Variants in IFT140 observed in about 807,000 individuals in gnomAD.
IFT140 encodes intraflagellar transport 140, also known as intraflagellar transport protein 140 homolog.
Under a neutral mutation model 164.6 loss-of-function variants are expected in IFT140, and 133 were observed. That is an observed-to-expected ratio of 0.81 (90% CI 0.70 to 0.93). IFT140 has a LOEUF of 0.93. Among genes scored for constraint, IFT140 ranks in the 40% least tolerant of loss-of-function variants. The pLI is 0.00. For missense variants in IFT140, 2,045 were observed against 1,972.3 expected, an observed-to-expected ratio of 1.04 and a Z score of -0.70; for synonymous variants, 860 against 817.3, an observed-to-expected ratio of 1.05 and a Z score of -0.89.
chr16:1,554,499 C>G (rs531334938), intron 19 of IFT140, among the ~76,000 whole-genome samples: 1 of 152,298 alleles, frequency 6.6e-6, no homozygotes, highest in South Asian at 2.1e-4. Flanking sequence ...CAGAATTAAG[C>G]AGACACATAC....
intron 4 of IFT140, among the ~76,000 whole-genome samples, chr16:1,601,281 A>G (rs919598634): frequency 8.0e-5 from 12 of 150,932 alleles, no homozygotes; most frequent in Admixed American, 7.9e-4. Context: ...AAAAAAAAAG[A>G]GAGAGACTAG....
intron 4 of IFT140, among the ~76,000 whole-genome samples, chr16:1,597,851 G>A (rs910448874): frequency 4.6e-5 from 7 of 152,092 alleles, no homozygotes; most frequent in Non-Finnish European, 7.4e-5. Context: ...CAAACTCCTG[G>A]GCTCAAGTGA....
At chr16:1,589,449 A>C (rs1322109754) in intron 7 of IFT140, among the ~76,000 whole-genome samples, 156 bp downstream of exon 7, 1 of 152,192 alleles carries the variant, frequency 6.6e-6, no homozygotes, top group Non-Finnish European at 1.5e-5. Flanking sequence ...ATGTGGTATG[A>C]TAAATAATGA....
At position 1,510,972 on chromosome 16, in the gene IFT140, ACCT is replaced by A; in HGVS notation, c.4358_4360del (p.Glu1453del). 2 of 1,611,386 alleles carry A rather than the reference ACCT, an allele frequency of 1.2e-6. No individual in the cohort carries two copies. The highest frequency in any genetic ancestry group is 1.7e-6 in the Non-Finnish European group (2 of 1,179,132). ...GGGGTCGTCATCTGCCTCTTCCACC[ACCT>A]CCTCGTCCAGCTCCCTGGCGTCCTC... On this transcript the variant is annotated inframe_deletion, in exon 31 of 31. Coordinates refer to ENST00000426508, the MANE Select transcript of IFT140 (RefSeq NM_014714.4).
In IFT140 at chr16:1,588,035, A is replaced by G; in HGVS notation, c.811-11T>C. The stretch of plus-strand genomic sequence containing the variant: ...CCCGCTCAGCTTGACCTGTGTGAGG[A>G]AACAACCGAGCAGAGGCACCGTGCT... On this transcript the variant is annotated splice_polypyrimidine_tract_variant and intron_variant, in intron 7 of 30. Coordinates refer to ENST00000426508, the MANE Select transcript of IFT140 (RefSeq NM_014714.4). The G allele has an allele frequency of 6.2e-7, 1 of 1,612,674 alleles. No homozygotes were observed.
rs775156902 is a variant in IFT140, at chr16:1,566,190, C to G, written c.1872G>C (p.Thr624=). The G allele has an allele frequency of 6.2e-7, 1 of 1,613,712 alleles. No individual in the cohort carries two copies. ...FKTGQIDRRE[T]LSFNEQETNK... is the part of the protein sequence containing the mutation. ...TAGTCTCTTGCTCATTAAAGGACAG[C>G]GTCTCTCTCCGATCAATTTGTCCAG... is the stretch of plus-strand genomic sequence containing the variant. The change falls in exon 16 of 31, where the codon ACG becomes ACC. Residue 624 remains threonine, a synonymous_variant. Coordinates refer to ENST00000426508, the MANE Select transcript of IFT140 (RefSeq NM_014714.4).
intron 4 of IFT140, among the ~76,000 whole-genome samples, chr16:1,594,879 G>C (rs1339844830): frequency 6.6e-6 from 1 of 152,250 alleles, no homozygotes; most frequent in Non-Finnish European, 1.5e-5. Flanking sequence ...CCCACAGTAC[G>C]CTCTTCTTCC....
intron 13 of IFT140, among the ~76,000 whole-genome samples, chr16:1,576,338 T>C (rs2034274614): frequency 6.8e-6 from 1 of 146,142 alleles, no homozygotes; most frequent in African/African-American, 2.5e-5. Flanking sequence ...ATGATTGTAA[T>C]CCTAGCACTT....
At chr16:1,604,729 G>A (rs377558385) in intron 3 of IFT140, among the ~76,000 whole-genome samples, 5 of 152,266 alleles carry the variant, frequency 3.3e-5, no homozygotes, top group Middle Eastern at 3.4e-3. Flanking sequence ...CCTGGAGGAG[G>A]GAAGGGCGGT....
rs986900353 is a variant in IFT140, at chr16:1,524,849, A to G, written c.2932T>C (p.Tyr978His). 4 of 1,613,208 alleles carry G rather than the reference A, an allele frequency of 2.5e-6. No homozygotes were observed. The highest frequency in any genetic ancestry group is 3.4e-6 in the Non-Finnish European group (4 of 1,179,638). ...GAGAAGTGGTCCCGGGCCAGCTCGT[A>G]GTAGTGCAGCGCGGCGTCCATCTCG... Reference protein sequence around the residue: ...QGEMDAALHYYELARDHFSLV... With the variant: ...QGEMDAALHYHELARDHFSLV... Residue 978 changes from tyrosine (Y) to histidine (H), a missense_variant, in exon 23 of 31, where the codon TAC (tyrosine) becomes CAC (histidine). Tyr to His is a moderately conservative substitution (Grantham distance 83, BLOSUM62 2). Transcript: ENST00000426508.
intron 8 of IFT140, 101 bp from the exon 9 acceptor site, chr16:1,587,405 A>G: frequency 1.4e-6 from 1 of 736,080 alleles, no homozygotes. Context: ...AGTCAGGAAA[A>G]AGACATAGTT....
chr16:1,588,408 T>C (rs2141866343), intron 7 of IFT140, among the ~76,000 whole-genome samples: 2 of 151,990 alleles, frequency 1.3e-5, no homozygotes, highest in South Asian at 4.2e-4. Flanking sequence ...GCCTGTAGTC[T>C]CAGCTACTTG....
At chr16:1,568,568 T>G (rs1488215299) in intron 14 of IFT140, among the ~76,000 whole-genome samples, 1 of 152,118 alleles carries the variant, frequency 6.6e-6, no homozygotes, top group East Asian at 1.9e-4. Flanking sequence ...CCCTTCCTCT[T>G]GTTCAAGTAG....
intron 26 of IFT140, among the ~76,000 whole-genome samples, chr16:1,522,822 T>C (rs1432565313): frequency 6.6e-6 from 1 of 152,166 alleles, no homozygotes; most frequent in African/African-American, 2.4e-5. Flanking sequence ...TTTCCACCCT[T>C]AGTAGCCCAG....
chr16:1,555,041 C>T lies in IFT140; in HGVS notation c.2399+2894G>A, dbSNP rs567840263. On this transcript the variant is annotated intron_variant, in intron 19 of 30. Transcript: ENST00000426508. Reference sequence around the variant, plus strand: ...CACCATGCTGAGTCGCCCTTCTCAGCGCTCCATCAACGCACACCTGCTATC... The same window carrying T: ...CACCATGCTGAGTCGCCCTTCTCAGTGCTCCATCAACGCACACCTGCTATC... The T allele has an allele frequency of 8.1e-5, 130 of 1,599,596 alleles. No homozygotes were observed. The South Asian group carries it at 9.0e-4, about 11-fold the overall frequency.
In IFT140 at chr16:1,510,690, C is replaced by T. The variant is rs2040110310; in HGVS notation, c.*254G>A. 1.4e-5 allele frequency: 8 copies of T among 580,868 alleles called. No homozygotes were observed. The highest frequency in any genetic ancestry group is 2.5e-5 in the Non-Finnish European group (8 of 326,006). The allele number at this position is 580,868 out of a possible 1,614,324, so 36.0% of individuals were successfully genotyped here. ...GGAGAATACGATGGAAGGGTGAACC[C>T]GACTCCCTTCAAAGGAATGAATCCA... On this transcript the variant is annotated 3_prime_UTR_variant, in exon 31 of 31. Coordinates refer to ENST00000426508, the MANE Select transcript of IFT140 (RefSeq NM_014714.4).
intron 30 of IFT140, among the ~76,000 whole-genome samples, chr16:1,516,434 A>G (rs939372039): frequency 1.3e-5 from 2 of 152,078 alleles, no homozygotes; most frequent in Non-Finnish European, 2.9e-5. Flanking sequence ...TGCAAAGAGG[A>G]GTAGAGATAA....
At chr16:1,520,406 C>T (rs2040485892) in intron 27 of IFT140, 63 bp from the exon 28 acceptor site, 1 of 1,548,518 alleles carries the variant, frequency 6.5e-7, no homozygotes, top group African/African-American at 1.4e-5. Flanking sequence ...CACAAGGGAC[C>T]CCGAGCAGGA....
intron 19 of IFT140, among the ~76,000 whole-genome samples, chr16:1,527,672 A>G (rs2040750867): frequency 6.6e-6 from 1 of 152,194 alleles, no homozygotes; most frequent in Non-Finnish European, 1.5e-5. Context: ...CCTGAGTTCA[A>G]GTGATCCTCC....
Sources: allele counts gnomAD v4.1 joint callset (sites outside exome capture counted in the v4.1 genomes callset), GRCh38; gene constraint gnomAD v4.1.1; transcripts MANE v1.5; gene names NCBI Gene and HGNC (gene_info 2026-07-23, HGNC 2026-07-21).